Variants in LYPD6B observed in about 807,000 individuals in gnomAD.
LYPD6B encodes ly6/PLAUR domain-containing protein 6B.
LYPD6B carries 17 observed loss-of-function variants against 22.8 expected under a neutral mutation model. The ratio of observed to expected loss-of-function variants is 0.75; its 90% CI spans 0.51 to 1.12. LYPD6B has a LOEUF of 1.12. Ranked by LOEUF, LYPD6B falls within the 50% of genes most tolerant of loss-of-function variation. The pLI is 0.00. For missense variants in LYPD6B, 221 were observed against 258.3 expected (o/e 0.86, Z 0.99); for synonymous variants, 106 against 91.6 (o/e 1.16, Z -0.90).
chr2:149,091,002 C>T (rs1010122537), intron 1 of LYPD6B, among the ~76,000 whole-genome samples: 1 of 152,070 alleles, frequency 6.6e-6, no homozygotes, highest in African/African-American at 2.4e-5. Context: ...TACGTGAGTG[C>T]CCTGCATTAA....
At chr2:149,200,195 G>C (rs964816429) in intron 3 of LYPD6B, among the ~76,000 whole-genome samples, 2 of 152,202 alleles carry the variant, frequency 1.3e-5, no homozygotes, top group African/African-American at 4.8e-5. Context: ...AGGCATGTTG[G>C]ACTTAGTAGA....
intron 1 of LYPD6B, among the ~76,000 whole-genome samples, chr2:149,074,625 A>G (rs1006905586): frequency 1.3e-5 from 2 of 152,254 alleles, no homozygotes; most frequent in African/African-American, 4.8e-5. Context: ...TGTTATTATA[A>G]TAAAACTATA....
intron 1 of LYPD6B, among the ~76,000 whole-genome samples, chr2:149,066,507 C>T (rs1464969629): frequency 2.0e-5 from 3 of 151,962 alleles, no homozygotes; most frequent in Non-Finnish European, 4.4e-5. Flanking sequence ...GACATGAACT[C>T]ATCATTTTTT....
intron 1 of LYPD6B, among the ~76,000 whole-genome samples, chr2:149,113,510 A>G (rs887594028): frequency 1.3e-5 from 2 of 152,168 alleles, no homozygotes; most frequent in African/African-American, 4.8e-5. Context: ...TGTCCTGGCT[A>G]AGTGGGCAGT....
rs140909796 is a variant in LYPD6B at position 149,196,748 on chromosome 2, A to C, written c.78-8505A>C. On this transcript the variant is annotated intron_variant, in intron 3 of 6. Coordinates refer to ENST00000409642, the MANE Select transcript of LYPD6B (RefSeq NM_177964.5). ...TGCACATATACACATATCCAAACAC[A>C]CATATACAGAGACATTTCTCAAGTG... Among the ~76,000 whole-genome samples the C allele has an allele frequency of 1.6e-3, 237 of 152,346 alleles. 1 individual carries two copies. The highest frequency in any genetic ancestry group is 3.3e-3 in the South Asian group (16 of 4,826).
intron 3 of LYPD6B, 161 bp from the exon 4 acceptor site, chr2:149,205,092 A>G: frequency 1.5e-6 from 1 of 687,130 alleles, no homozygotes. Context: ...CTTACCTTTC[A>G]TTTGATCAAA....
Position 149,187,498 on chromosome 2 carries a change from T to C in LYPD6B, c.78-17755T>C, listed in dbSNP as rs557307902. 27 of 1,509,386 alleles carry C rather than the reference T, an allele frequency of 1.8e-5. No individual in the cohort carries two copies. In the Admixed American group the frequency reaches 4.8e-4, roughly 27 times the overall value. 93.5% of individuals were successfully genotyped at this position (1,509,386 alleles called of 1,614,324 possible). The stretch of plus-strand genomic sequence containing the variant: ...ACAAAGGAAATGCAGAAGAGATATT[T>C]TCAGCTGAATATTGGAAAGTAAGAT... On this transcript the variant is annotated intron_variant, in intron 3 of 6. Transcript: ENST00000409642.
chr2:149,193,224 A>G (rs1398614259), intron 3 of LYPD6B, among the ~76,000 whole-genome samples: 1 of 152,172 alleles, frequency 6.6e-6, no homozygotes, highest in Non-Finnish European at 1.5e-5. Flanking sequence ...CTCTGCATTC[A>G]TTAATAATAA....
At chr2:149,108,591 T>G (rs1273589885) in intron 1 of LYPD6B, among the ~76,000 whole-genome samples, 4 of 152,234 alleles carry the variant, frequency 2.6e-5, no homozygotes, top group Non-Finnish European at 1.5e-5. Flanking sequence ...ATGTTTACGT[T>G]TAAAGTGTGT....
chr2:149,099,636 A>G (rs758421374), intron 1 of LYPD6B, among the ~76,000 whole-genome samples: 1 of 152,190 alleles, frequency 6.6e-6, no homozygotes, highest in African/African-American at 2.4e-5. Flanking sequence ...TCGGCCTCCA[A>G]GAGTTCTCAA....
intron 1 of LYPD6B, among the ~76,000 whole-genome samples, chr2:149,063,614 T>A (rs1684192293): frequency 6.6e-6 from 1 of 152,222 alleles, no homozygotes; most frequent in African/African-American, 2.4e-5. Context: ...GCCAACTACA[T>A]GTAGCTAAAG....
intron 2 of LYPD6B, among the ~76,000 whole-genome samples, chr2:149,158,269 C>A (rs918368532): frequency 5.9e-5 from 9 of 152,016 alleles, no homozygotes; most frequent in Non-Finnish European, 4.4e-5. Flanking sequence ...GGTGAATTAA[C>A]TATATAAAAA....
At chr2:149,107,530 C>T (rs1448557723) in intron 1 of LYPD6B, among the ~76,000 whole-genome samples, 1 of 152,210 alleles carries the variant, frequency 6.6e-6, no homozygotes, top group Non-Finnish European at 1.5e-5. Flanking sequence ...TTCCCAAGTG[C>T]TGCGTTAGCA....
intron 1 of LYPD6B, among the ~76,000 whole-genome samples, chr2:149,088,775 C>T (rs1468262669): frequency 6.6e-6 from 1 of 152,140 alleles, no homozygotes; most frequent in Non-Finnish European, 1.5e-5. Context: ...GCATTGACAA[C>T]TTAGAGGATT....
chr2:149,088,341 C>T (rs952852455), intron 1 of LYPD6B, among the ~76,000 whole-genome samples: 10 of 152,076 alleles, frequency 6.6e-5, no homozygotes, highest in Admixed American at 4.6e-4. Context: ...TACAACAATC[C>T]AGAATATAGT....
chr2:149,183,226 C>T (rs940378299), intron 3 of LYPD6B, among the ~76,000 whole-genome samples: 2 of 152,096 alleles, frequency 1.3e-5, no homozygotes, highest in Non-Finnish European at 2.9e-5. Context: ...AATTTCTAAA[C>T]CAGAAATGGA....
At chr2:149,163,815 G>T (rs229335) in intron 3 of LYPD6B, among the ~76,000 whole-genome samples, 81,413 of 151,936 alleles carry the variant, frequency 0.54, 23,498 homozygotes, top group African/African-American at 0.72. Context: ...CTCTAACCTG[G>T]GGGGTCAACA....
chr2:149,094,780 TGCCATATTGTG>T, intron 1 of LYPD6B, among the ~76,000 whole-genome samples: 1 of 152,366 alleles, frequency 6.6e-6, no homozygotes, highest in Non-Finnish European at 1.5e-5. Context: ...TCAAAATCCC[TGCCATATTGTG>T]GCTGCTTTGT....
intron 3 of LYPD6B, among the ~76,000 whole-genome samples, chr2:149,168,297 T>C (rs983233305): frequency 2.6e-5 from 4 of 151,574 alleles, no homozygotes; most frequent in African/African-American, 9.7e-5. Flanking sequence ...CTTTCAATGG[T>C]TAAAGGCATA....
Sources: allele counts gnomAD v4.1 joint callset (sites outside exome capture counted in the v4.1 genomes callset), GRCh38; gene constraint gnomAD v4.1.1; transcripts MANE v1.5; gene names NCBI Gene and HGNC (gene_info 2026-07-23, HGNC 2026-07-21).